DLGAP1: variants seen among roughly 807,000 people sequenced by gnomAD.
DLGAP1 encodes disks large-associated protein 1.
In DLGAP1, 11 loss-of-function variants were observed where a neutral mutation model predicts 90.8. That is an observed-to-expected ratio of 0.12 (90% CI 0.08 to 0.20). DLGAP1 has a LOEUF of 0.20. Ranked by LOEUF, DLGAP1 falls within the 10% of genes least tolerant of loss-of-function variation. The pLI, the probability that DLGAP1 is intolerant of heterozygous loss-of-function variation, is 1.00. For synonymous variants in DLGAP1, 558 were observed against 540.7 expected (o/e 1.03, Z -0.44); for missense variants, 1,050 against 1,333.8 (o/e 0.79, Z 3.31).
At chr18:3,990,819 C>T (rs2073952999) in intron 3 of DLGAP1, among the ~76,000 whole-genome samples, 3 of 151,812 alleles carry the variant, frequency 2.0e-5, no homozygotes, top group Non-Finnish European at 2.9e-5. Flanking sequence ...ATAGTACATG[C>T]AACAGAGTGA....
At chr18:3,621,146 T>C (rs893209337) in intron 7 of DLGAP1, among the ~76,000 whole-genome samples, 2 of 152,196 alleles carry the variant, frequency 1.3e-5, no homozygotes, top group Non-Finnish European at 2.9e-5. Context: ...CTCACACCTG[T>C]AGTCCCAGCA....
chr18:4,009,959 A>C (rs923178713), intron 2 of DLGAP1, among the ~76,000 whole-genome samples: 2 of 152,210 alleles, frequency 1.3e-5, no homozygotes, highest in African/African-American at 4.8e-5. Flanking sequence ...TAAAGACTAA[A>C]GATGTAAAGA....
chr18:3,799,111 G>A (rs2066160687), intron 5 of DLGAP1, among the ~76,000 whole-genome samples: 1 of 152,070 alleles, frequency 6.6e-6, no homozygotes, highest in African/African-American at 2.4e-5. Context: ...TCCTGACCTC[G>A]TGATCCACCA....
At position 3,944,821 on chromosome 18, in the gene DLGAP1, C is replaced by T. The variant is rs75921284; in HGVS notation, c.-73+60295G>A. On this transcript the variant is annotated intron_variant, in intron 3 of 12. Coordinates refer to ENST00000315677, the MANE Select transcript of DLGAP1 (RefSeq NM_004746.4). ...CTTTGAGGTGGATGGAAGGACATACCTAAAAATGGAGAAACTCACCAAGCC... is the reference window on the plus strand; with the variant it reads ...CTTTGAGGTGGATGGAAGGACATACTTAAAAATGGAGAAACTCACCAAGCC... Among the ~76,000 whole-genome samples the T allele has an allele frequency of 5.5e-3, 835 of 152,150 alleles. 9 individuals carry two copies. The highest frequency in any genetic ancestry group is 0.028 in the South Asian group (134 of 4,810).
intron 7 of DLGAP1, among the ~76,000 whole-genome samples, chr18:3,602,593 C>CAAAAA (rs71159102): frequency 1.7e-4 from 11 of 66,662 alleles, no homozygotes; most frequent in East Asian, 7.9e-4. Context: ...AGACTCCGTC[C>CAAAAA]AAAAAAAAAA....
intron 1 of DLGAP1, among the ~76,000 whole-genome samples, chr18:4,217,600 A>G (rs1449570969): frequency 6.6e-6 from 1 of 151,676 alleles, no homozygotes; most frequent in African/African-American, 2.4e-5. Flanking sequence ...ACACACACAG[A>G]CACACACGCA....
intron 5 of DLGAP1, among the ~76,000 whole-genome samples, chr18:3,811,155 C>T (rs149443228): frequency 7.9e-5 from 12 of 152,130 alleles, no homozygotes; most frequent in East Asian, 3.9e-4. Flanking sequence ...TTGAAGATGA[C>T]GGAGGTTTAA....
At chr18:4,242,987 C>T (rs2078575203) in intron 1 of DLGAP1, among the ~76,000 whole-genome samples, 1 of 152,058 alleles carries the variant, frequency 6.6e-6, no homozygotes, top group East Asian at 1.9e-4. Context: ...TGGAGCAGTC[C>T]TCAGTGGCCC....
At chr18:4,253,155 T>C (rs532320958) in intron 1 of DLGAP1, among the ~76,000 whole-genome samples, 1 of 152,102 alleles carries the variant, frequency 6.6e-6, no homozygotes, top group African/African-American at 2.4e-5. Flanking sequence ...TAAAGTCACA[T>C]AAAGGAAAGA....
intron 3 of DLGAP1, among the ~76,000 whole-genome samples, chr18:3,889,322 C>G (rs2071401585): frequency 6.6e-6 from 1 of 152,078 alleles, no homozygotes; most frequent in Non-Finnish European, 1.5e-5. Context: ...TTATTTTTGT[C>G]TAGATTGCTC....
chr18:3,807,382 T>G (rs970840552), intron 5 of DLGAP1, among the ~76,000 whole-genome samples: 5 of 152,312 alleles, frequency 3.3e-5, no homozygotes, highest in African/African-American at 9.6e-5. Flanking sequence ...TTTCAACACC[T>G]GGGCTCAAAT....
At chr18:3,872,925 G>C (rs1251192937) in intron 4 of DLGAP1, among the ~76,000 whole-genome samples, 2 of 152,190 alleles carry the variant, frequency 1.3e-5, no homozygotes, top group African/African-American at 4.8e-5. Flanking sequence ...TTAATTAGTA[G>C]ATTGGAATTC....
rs28537377 is a variant in DLGAP1 at position 3,864,032 on chromosome 18, C to G, written c.957+15080G>C. Among the ~76,000 whole-genome samples the G allele has an allele frequency of 2.5e-3, 380 of 152,342 alleles. 3 individuals are homozygous for G. The highest frequency in any genetic ancestry group is 9.0e-3 in the African/African-American group (374 of 41,580). ...TCTACCAGCTGAGTGGTCAGCTACC[C>G]ATCTGGTCTTTTCCCTCCTGCTTTT... On this transcript the variant is annotated intron_variant, in intron 4 of 12. Transcript: ENST00000315677.
chr18:3,827,311 T>G (rs140247609), intron 4 of DLGAP1, among the ~76,000 whole-genome samples: 1 of 152,262 alleles, frequency 6.6e-6, no homozygotes, highest in Non-Finnish European at 1.5e-5. Flanking sequence ...CTTAGAAGTT[T>G]GGAGCTAAGA....
In DLGAP1 at chr18:4,258,015, G is replaced by A. The variant is rs981411193; in HGVS notation, c.-266-106728C>T. Among the ~76,000 whole-genome samples, 24 of 125,470 alleles carry A rather than the reference G, an allele frequency of 1.9e-4. No homozygotes were observed. In the South Asian group the frequency reaches 2.6e-3, roughly 14 times the overall value. The allele number at this position is 125,470 out of a possible 152,430, so 82.3% of individuals were successfully genotyped here. A position where few individuals can be genotyped will look rare whatever the true frequency, so the allele number is the denominator to read the frequency against. ...TGTGTGTGTGTGTGTGTGTGTGCGC[G>A]CGCGCGCGTATAACCTATGTTGAAT... On this transcript the variant is annotated intron_variant, in intron 1 of 12. Transcript: ENST00000315677.
intron 1 of DLGAP1, among the ~76,000 whole-genome samples, chr18:4,320,172 T>C (rs1216145854): frequency 2.0e-5 from 3 of 152,156 alleles, no homozygotes; most frequent in Non-Finnish European, 4.4e-5. Flanking sequence ...CAGAGTGAGA[T>C]ACTGTTTAAC....
At chr18:3,754,566 A>G (rs914996499) in intron 5 of DLGAP1, among the ~76,000 whole-genome samples, 1 of 151,700 alleles carries the variant, frequency 6.6e-6, no homozygotes, top group Non-Finnish European at 1.5e-5. Flanking sequence ...ATAACTTACT[A>G]CCATAAAATA....
chr18:4,102,429 A>G (rs2075794706), intron 2 of DLGAP1, among the ~76,000 whole-genome samples: 1 of 152,164 alleles, frequency 6.6e-6, no homozygotes, highest in Non-Finnish European at 1.5e-5. Flanking sequence ...AACTCTGGGA[A>G]ATTGTTTGAA....
In DLGAP1 at chr18:3,879,571, GC is replaced by G; in HGVS notation, c.497del (p.Gly166AlafsTer56). The G allele has an allele frequency of 6.3e-7, 1 of 1,599,262 alleles. No individual in the cohort carries two copies. Reference sequence around the variant, plus strand: ...CCTGCGCCTCGTCAGGGCTGGCCTTGCCCCCGTTGACGCTGCCCTTGGACGG... The same window carrying G: ...CCTGCGCCTCGTCAGGGCTGGCCTTGCCCCGTTGACGCTGCCCTTGGACGG... Reference protein sequence around the residue: ...EGPSKGSVNGGKASPDEAQAA... With the variant: ...EGPSKGSVNGXKASPDEAQAA... On this transcript the variant is annotated frameshift_variant, in exon 4 of 13. Transcript: ENST00000315677. LOFTEE classifies it high-confidence loss of function. This position sits in a 1 kb window ranked among gnomAD's most constrained non-coding sequence, Gnocchi z 6.6.
Sources: allele counts gnomAD v4.1 joint callset (sites outside exome capture counted in the v4.1 genomes callset), GRCh38; gene constraint gnomAD v4.1.1; non-coding constraint Gnocchi (gnomAD v3.1); transcripts MANE v1.5; gene names NCBI Gene and HGNC (gene_info 2026-07-23, HGNC 2026-07-21).